Variants in ERBB4 observed in about 807,000 individuals in gnomAD.
The protein encoded by ERBB4 is receptor tyrosine-protein kinase erbB-4.
A neutral mutation model predicts 158.0 loss-of-function variants in ERBB4; 42 were observed. The ratio of observed to expected loss-of-function variants is 0.27; its 90% CI spans 0.21 to 0.34. The LOEUF (loss-of-function observed/expected upper bound fraction) is 0.34. ERBB4 is among the 10% of genes least tolerant of loss of function. ERBB4 has a pLI of 1.00. For missense variants in ERBB4, 1,333 were observed against 1,624.1 expected, an observed-to-expected ratio of 0.82 and a Z score of 3.08; for synonymous variants, 583 against 558.7, an observed-to-expected ratio of 1.04 and a Z score of -0.61.
intron 1 of ERBB4, among the ~76,000 whole-genome samples, chr2:212,407,126 G>T (rs1389965248): frequency 6.6e-6 from 1 of 150,978 alleles, no homozygotes; most frequent in Non-Finnish European, 1.5e-5. Flanking sequence ...AATATTAAAA[G>T]ATTATATACA....
intron 2 of ERBB4, among the ~76,000 whole-genome samples, chr2:212,044,272 C>T (rs1018162940): frequency 3.9e-5 from 6 of 151,978 alleles, no homozygotes; most frequent in African/African-American, 9.7e-5. Flanking sequence ...AAGTTACACT[C>T]GAAAAATAAA....
intron 20 of ERBB4, among the ~76,000 whole-genome samples, chr2:211,516,461 G>A (rs958814176): frequency 2.0e-5 from 3 of 151,700 alleles, no homozygotes; most frequent in African/African-American, 7.3e-5. Flanking sequence ...AGCCTCCAGA[G>A]TAGCTTGGAT....
intron 1 of ERBB4, among the ~76,000 whole-genome samples, chr2:212,472,406 T>C (rs1033051451): frequency 1.3e-5 from 2 of 151,818 alleles, no homozygotes; most frequent in Admixed American, 6.6e-5. Context: ...CTTATTTGAA[T>C]CCAGATGTAC....
At chr2:212,192,292 T>G (rs1014391834) in intron 1 of ERBB4, among the ~76,000 whole-genome samples, 1 of 119,216 alleles carries the variant, frequency 8.4e-6, no homozygotes, top group African/African-American at 3.1e-5. Context: ...AGACTAGTTA[T>G]GTGAGGTACT....
intron 3 of ERBB4, among the ~76,000 whole-genome samples, chr2:211,922,424 A>G (rs985234099): frequency 5.3e-4 from 81 of 152,140 alleles, no homozygotes; most frequent in Non-Finnish European, 9.6e-4. Flanking sequence ...AACAAGAAGA[A>G]TTACATTATA....
At chr2:212,086,854 G>A (rs776658227) in intron 2 of ERBB4, among the ~76,000 whole-genome samples, 3 of 151,944 alleles carry the variant, frequency 2.0e-5, no homozygotes, top group Non-Finnish European at 4.4e-5. Context: ...AAGTACATGG[G>A]TAGGAGAACA....
chr2:212,538,316 A>C (rs1693223180), intron 1 of ERBB4, 133 bp downstream of exon 1: 14 of 788,216 alleles, frequency 1.8e-5, no homozygotes, highest in Non-Finnish European at 2.9e-5. Context: ...GGTGACCGAA[A>C]GCCCAGGGAA....
intron 1 of ERBB4, among the ~76,000 whole-genome samples, chr2:212,491,133 G>A (rs1384703865): frequency 6.6e-6 from 1 of 151,494 alleles, no homozygotes; most frequent in East Asian, 1.9e-4. Context: ...TGGACTGAAT[G>A]ATCATAAGTA....
chr2:211,890,429 T>C (rs184380990), intron 3 of ERBB4, among the ~76,000 whole-genome samples: 19,878 of 148,804 alleles, frequency 0.13, 1,655 homozygotes, highest in African/African-American at 0.23. Flanking sequence ...AAGGAACAAC[T>C]GGTACCAGCC....
At chr2:212,484,432 T>C (rs1458776992) in intron 1 of ERBB4, among the ~76,000 whole-genome samples, 1 of 152,200 alleles carries the variant, frequency 6.6e-6, no homozygotes, top group Admixed American at 6.5e-5. Flanking sequence ...ACATATAAGA[T>C]TGTCAGAAAG....
chr2:211,684,263 C>T (rs564774343), intron 12 of ERBB4, among the ~76,000 whole-genome samples: 1 of 152,024 alleles, frequency 6.6e-6, no homozygotes, highest in Non-Finnish European at 1.5e-5. Flanking sequence ...ACCAGCATGG[C>T]CAACATGATG....
intron 19 of ERBB4, among the ~76,000 whole-genome samples, chr2:211,586,177 A>C (rs2068271126): frequency 6.6e-6 from 1 of 152,196 alleles, no homozygotes; most frequent in Non-Finnish European, 1.5e-5. Context: ...ACAAAAACAA[A>C]ACTGATCAAC....
intron 1 of ERBB4, among the ~76,000 whole-genome samples, chr2:212,339,186 C>A (rs1471593938): frequency 1.3e-5 from 2 of 151,966 alleles, no homozygotes; most frequent in African/African-American, 2.4e-5. Flanking sequence ...CTCATCAGGC[C>A]CAGTGTGTGT....
chr2:211,485,808 TA>T (rs781160843), intron 20 of ERBB4, among the ~76,000 whole-genome samples: 1 of 151,860 alleles, frequency 6.6e-6, no homozygotes, highest in Non-Finnish European at 1.5e-5. Context: ...TATACATATG[TA>T]ACTAACCTGC....
chr2:211,707,561 T>C (rs1280592745), intron 9 of ERBB4, among the ~76,000 whole-genome samples: 13 of 152,186 alleles, frequency 8.5e-5, no homozygotes, highest in Admixed American at 7.9e-4. Flanking sequence ...ATGTAAACCC[T>C]TTCTTGCCAG....
intron 1 of ERBB4, among the ~76,000 whole-genome samples, chr2:212,172,126 A>C (rs1284011100): frequency 1.3e-5 from 2 of 152,176 alleles, no homozygotes; most frequent in African/African-American, 4.8e-5. Context: ...AATACTTCTC[A>C]AAAAAGATAT....
chr2:212,089,864 T>C (rs534264186), intron 2 of ERBB4, among the ~76,000 whole-genome samples: 1 of 152,350 alleles, frequency 6.6e-6, no homozygotes, highest in African/African-American at 2.4e-5. Flanking sequence ...GTGAATCTTA[T>C]GTAGTTTGTG....
chr2:212,280,342 G>A (rs1402488840), intron 1 of ERBB4, among the ~76,000 whole-genome samples: 1 of 151,484 alleles, frequency 6.6e-6, no homozygotes, highest in Non-Finnish European at 1.5e-5. Flanking sequence ...TCAATGCCTT[G>A]GGTCTGGGCA....
At chr2:211,779,059 T>G (rs986448971) in intron 4 of ERBB4, 1 of 152,182 alleles carries the variant, frequency 6.6e-6, no homozygotes, top group Non-Finnish European at 1.5e-5. Context: ...CATAGAGCCA[T>G]GATATCAATT....
Sources: allele counts gnomAD v4.1 joint callset (sites outside exome capture counted in the v4.1 genomes callset), GRCh38; gene constraint gnomAD v4.1.1; transcripts MANE v1.5; gene names NCBI Gene and HGNC (gene_info 2026-07-23, HGNC 2026-07-21).